The following PCED1B variants were observed in gnomAD, a reference collection of about 807,000 sequenced individuals.
The protein encoded by PCED1B is PC-esterase domain-containing protein 1B.
For synonymous variants in PCED1B, 251 were observed against 246.1 expected (o/e 1.02, Z -0.19); for missense variants, 573 against 573.9 (o/e 1.00, Z 0.02).
intron 2 of PCED1B, among the ~76,000 whole-genome samples, chr12:47,158,450 T>C (rs773015765): frequency 3.3e-5 from 5 of 152,198 alleles, no homozygotes; most frequent in Admixed American, 6.5e-5. Context: ...CATTTGCATA[T>C]TTTTGAAGAA....
intron 2 of PCED1B, among the ~76,000 whole-genome samples, chr12:47,195,203 C>A (rs889845011): frequency 6.6e-6 from 1 of 152,004 alleles, no homozygotes; most frequent in African/African-American, 2.4e-5. Context: ...GTGGTACACA[C>A]CTGTAGTCCC....
At chr12:47,207,530 C>T (rs537492775) in intron 2 of PCED1B, among the ~76,000 whole-genome samples, 2 of 152,312 alleles carry the variant, frequency 1.3e-5, no homozygotes, top group Non-Finnish European at 2.9e-5. Flanking sequence ...CAGATGGGCA[C>T]GTGGGCAGGC....
At chr12:47,129,630 C>T (rs910855832) in intron 2 of PCED1B, among the ~76,000 whole-genome samples, 19 of 152,140 alleles carry the variant, frequency 1.2e-4, no homozygotes, top group African/African-American at 4.3e-4. Context: ...GAGTGGCATG[C>T]CCCCTTGGGT....
chr12:47,194,501 C>T (rs1023171829), intron 2 of PCED1B, among the ~76,000 whole-genome samples: 2 of 152,194 alleles, frequency 1.3e-5, no homozygotes, highest in African/African-American at 4.8e-5. Flanking sequence ...GGTACTGGAA[C>T]TAATTTAGAA....
chr12:47,118,491 AGAT>A (rs1369897206), intron 2 of PCED1B, among the ~76,000 whole-genome samples: 1 of 152,206 alleles, frequency 6.6e-6, no homozygotes, highest in African/African-American at 2.4e-5. Flanking sequence ...GTCAAAGATC[AGAT>A]GGTTGTAGAT....
chr12:47,171,692 A>G (rs1261386087), intron 2 of PCED1B, among the ~76,000 whole-genome samples: 1 of 152,186 alleles, frequency 6.6e-6, no homozygotes, highest in Non-Finnish European at 1.5e-5. Flanking sequence ...CTTGCCTCAG[A>G]TATAAAATTC....
intron 2 of PCED1B, among the ~76,000 whole-genome samples, chr12:47,203,336 G>C (rs1942824062): frequency 6.6e-6 from 1 of 151,922 alleles, no homozygotes; most frequent in African/African-American, 2.4e-5. Flanking sequence ...GGGTACATGT[G>C]CAGGTTGTGC....
At chr12:47,205,211 G>A (rs761429687) in intron 2 of PCED1B, among the ~76,000 whole-genome samples, 24 of 152,162 alleles carry the variant, frequency 1.6e-4, no homozygotes, top group Non-Finnish European at 2.9e-4. Flanking sequence ...TTGTCCTCTT[G>A]CACTGAATCA....
At chr12:47,221,958 G>T (rs1170874115) in intron 3 of PCED1B, among the ~76,000 whole-genome samples, 2 of 151,870 alleles carry the variant, frequency 1.3e-5, no homozygotes, top group African/African-American at 4.8e-5. Flanking sequence ...TAAAAAATTA[G>T]CTGGGCATGG....
At chr12:47,227,463 G>A (rs1321991705) in intron 3 of PCED1B, among the ~76,000 whole-genome samples, 5 of 151,722 alleles carry the variant, frequency 3.3e-5, no homozygotes, top group African/African-American at 4.8e-5. Context: ...GAGAGCCACC[G>A]TGCCCGGCCC....
At chr12:47,195,336 A>AG (rs2137677805) in intron 2 of PCED1B, among the ~76,000 whole-genome samples, 1 of 151,972 alleles carries the variant, frequency 6.6e-6, no homozygotes, top group Non-Finnish European at 1.5e-5. Context: ...CTCAAAAAAA[A>AG]AAAAAGAAAA....
At position 47,198,966 on chromosome 12, in the gene PCED1B, C is replaced by CA. The variant is rs374155461; in HGVS notation, c.-525-17245dup. Among the ~76,000 whole-genome samples, 1,915 of 131,216 alleles carry CA rather than the reference C, an allele frequency of 0.015. 117 individuals carry two copies. In the East Asian group the frequency reaches 0.2, roughly 13 times the overall value. 86.1% of individuals were successfully genotyped at this position (131,216 alleles called of 152,430 possible). ...GGGCAACAAGAGCTAAACTCCATCT[C>CA]AAAAAAAAAAAGAAAAAGAAAAAAG... On this transcript the variant is annotated intron_variant, in intron 2 of 3. Coordinates refer to ENST00000546455, the MANE Select transcript of PCED1B (RefSeq NM_138371.3).
At chr12:47,189,482 C>T (rs1157744649) in intron 2 of PCED1B, among the ~76,000 whole-genome samples, 2 of 152,152 alleles carry the variant, frequency 1.3e-5, no homozygotes, top group African/African-American at 4.8e-5. Flanking sequence ...TGAAAATGTT[C>T]CTCTTTAAAG....
chr12:47,110,033 C>A (rs1373801918), intron 2 of PCED1B, among the ~76,000 whole-genome samples: 4 of 152,182 alleles, frequency 2.6e-5, no homozygotes, highest in Non-Finnish European at 4.4e-5. Flanking sequence ...TTGCCACACA[C>A]AGCAATGGAG....
At chr12:47,089,607 G>C (rs79847027) in intron 1 of PCED1B, among the ~76,000 whole-genome samples, 2,704 of 151,218 alleles carry the variant, frequency 0.018, 81 homozygotes, top group African/African-American at 0.062. Flanking sequence ...AAATAATAAA[G>C]AAGAGTAATT....
chr12:47,147,070 G>A (rs142165496), intron 2 of PCED1B, among the ~76,000 whole-genome samples: 186 of 133,200 alleles, frequency 1.4e-3, no homozygotes, highest in Admixed American at 4.7e-3. Context: ...GTGCAATCTC[G>A]GCTCACTGCA....
chr12:47,188,961 T>A (rs1942360241), intron 2 of PCED1B, among the ~76,000 whole-genome samples: 1 of 152,216 alleles, frequency 6.6e-6, no homozygotes, highest in Non-Finnish European at 1.5e-5. Flanking sequence ...TTTCTGCTTC[T>A]GATTAGGTCA....
intron 1 of PCED1B, among the ~76,000 whole-genome samples, chr12:47,085,331 C>G (rs2137146003): frequency 6.6e-6 from 1 of 152,348 alleles, no homozygotes; most frequent in East Asian, 1.9e-4. Flanking sequence ...TGCCAGTTAG[C>G]ACTGCCCTGG....
At chr12:47,156,028 T>C in intron 2 of PCED1B, among the ~76,000 whole-genome samples, 1 of 152,244 alleles carries the variant, frequency 6.6e-6, no homozygotes, top group Non-Finnish European at 1.5e-5. Flanking sequence ...TCATTGTTTA[T>C]CTTCTGCCAA....
Sources: gnomAD v4.1 joint callset for allele counts (sites outside exome capture counted in the v4.1 genomes callset) on GRCh38, gnomAD v4.1.1 for gene constraint, MANE v1.5 for transcripts, NCBI Gene and HGNC (gene_info 2026-07-23, HGNC 2026-07-21) for gene names.